GRIK1: variants seen among roughly 807,000 people sequenced by gnomAD.
GRIK1 encodes glutamate receptor ionotropic, kainate 1.
GRIK1 carries 69 observed loss-of-function variants against 105.7 expected under a neutral mutation model. The observed-to-expected ratio is 0.65, with a 90% CI of 0.54 to 0.80. The LOEUF (loss-of-function observed/expected upper bound fraction) is 0.80, where lower values mean the gene tolerates loss of function less well. Among genes scored for constraint, GRIK1 ranks in the 30% least tolerant of loss-of-function variants. GRIK1 has a pLI of 0.00. For missense variants in GRIK1, 1,109 were observed against 1,167.3 expected, an observed-to-expected ratio of 0.95 and a Z score of 0.73; for synonymous variants, 438 against 431.3, an observed-to-expected ratio of 1.02 and a Z score of -0.19.
At chr21:29,689,137 T>C (rs1177336308) in intron 3 of GRIK1, among the ~76,000 whole-genome samples, 1 of 149,230 alleles carries the variant, frequency 6.7e-6, no homozygotes, top group Admixed American at 6.7e-5. Context: ...AAAGTTCAAA[T>C]GGGGGCGGGT....
Position 29,562,579 on chromosome 21 carries a change from C to T in GRIK1, c.2131-730G>A, listed in dbSNP as rs188334230. The stretch of plus-strand genomic sequence containing the variant: ...CTGAGGCAGGAGAATCGCTTGAACC[C>T]GGGAGGTGGAGGTTGCAGTGAGCCA... On this transcript the variant is annotated intron_variant, in intron 14 of 17. Transcript: ENST00000327783. 1.8e-4 allele frequency among the ~76,000 whole-genome samples: 28 copies of T among 151,980 alleles called. No individual in the cohort carries two copies. In the East Asian group the frequency reaches 3.9e-3, roughly 21 times the overall value.
intron 4 of GRIK1, among the ~76,000 whole-genome samples, chr21:29,669,986 G>A (rs977935968): frequency 1.3e-5 from 2 of 152,122 alleles, no homozygotes; most frequent in African/African-American, 2.4e-5. Context: ...AAGTTCTGAT[G>A]TCTCCAATAT....
At chr21:29,581,910 T>C (rs2091031467) in intron 12 of GRIK1, among the ~76,000 whole-genome samples, 1 of 152,178 alleles carries the variant, frequency 6.6e-6, no homozygotes. Flanking sequence ...GCGACGAATG[T>C]GACACACACT....
chr21:29,556,393 T>C (rs9680388), intron 15 of GRIK1, among the ~76,000 whole-genome samples: 13,324 of 152,234 alleles, frequency 0.088, 1,134 homozygotes, highest in African/African-American at 0.22. Context: ...ACCTTGCAGA[T>C]TGTCACCCTT....
At chr21:29,566,493 T>C (rs1199989196) in intron 14 of GRIK1, among the ~76,000 whole-genome samples, 2 of 152,220 alleles carry the variant, frequency 1.3e-5, no homozygotes, top group Non-Finnish European at 2.9e-5. Context: ...TGGCAAAGAA[T>C]AGCATTTTTC....
chr21:29,872,225 G>T (rs1187063577), intron 1 of GRIK1, among the ~76,000 whole-genome samples: 2 of 128,208 alleles, frequency 1.6e-5, no homozygotes, highest in South Asian at 2.4e-4. Flanking sequence ...ACGGAGTCTC[G>T]CTCTGTCGCC....
At chr21:29,856,298 A>C (rs575654521) in intron 1 of GRIK1, among the ~76,000 whole-genome samples, 1 of 152,300 alleles carries the variant, frequency 6.6e-6, no homozygotes, top group East Asian at 1.9e-4. Flanking sequence ...ATTTAGGTGG[A>C]AAATTATCAG....
intron 1 of GRIK1, among the ~76,000 whole-genome samples, chr21:29,764,662 A>G (rs1411021185): frequency 6.6e-6 from 1 of 152,208 alleles, no homozygotes; most frequent in East Asian, 1.9e-4. Context: ...GCTGATGGCT[A>G]TATCTTCATA....
At chr21:29,770,846 T>C (rs776824650) in intron 1 of GRIK1, among the ~76,000 whole-genome samples, 13 of 152,204 alleles carry the variant, frequency 8.5e-5, no homozygotes, top group Non-Finnish European at 1.6e-4. Flanking sequence ...AGGTCCTCAG[T>C]AGTGGTTGAT....
chr21:29,727,636 C>A (rs76526058), intron 1 of GRIK1, among the ~76,000 whole-genome samples: 1,606 of 152,278 alleles, frequency 0.011, 30 homozygotes, highest in African/African-American at 0.037. Flanking sequence ...TCTATTCTCT[C>A]TTGTAAGAGG....
intron 16 of GRIK1, among the ~76,000 whole-genome samples, chr21:29,545,823 T>C (rs540326083): frequency 6.6e-6 from 1 of 152,254 alleles, no homozygotes; most frequent in African/African-American, 2.4e-5. Context: ...AATTATGTGA[T>C]ACTATTTAAA....
chr21:29,560,414 T>C (rs1488126751), intron 15 of GRIK1, among the ~76,000 whole-genome samples: 1 of 126,498 alleles, frequency 7.9e-6, no homozygotes, highest in Non-Finnish European at 1.6e-5. Context: ...TCTTTCTTTC[T>C]TTCTTTCTTT....
intron 7 of GRIK1, among the ~76,000 whole-genome samples, chr21:29,609,817 T>A (rs1163996163): frequency 6.6e-6 from 1 of 152,176 alleles, no homozygotes; most frequent in Non-Finnish European, 1.5e-5. Flanking sequence ...GACTTCTCTG[T>A]CACCATAATT....
intron 4 of GRIK1, among the ~76,000 whole-genome samples, chr21:29,672,028 C>T (rs1044076688): frequency 6.7e-6 from 1 of 149,844 alleles, no homozygotes; most frequent in Non-Finnish European, 1.5e-5. Context: ...AAGCACCAGT[C>T]TGCGCTTTGT....
chr21:29,852,148 T>G (rs534823682), intron 1 of GRIK1, among the ~76,000 whole-genome samples: 2 of 152,316 alleles, frequency 1.3e-5, no homozygotes, highest in East Asian at 3.9e-4. Context: ...TCTTTTGTTC[T>G]TGAAGGATTT....
rs148564487 is a variant in GRIK1, at chr21:29,743,653, C to A, written c.119-49590G>T. 3.6e-3 allele frequency among the ~76,000 whole-genome samples: 550 copies of A among 152,044 alleles called. 3 individuals carry two copies. Among genetic ancestry groups the A allele is most frequent in the African/African-American group, 0.013 (531 of 41,464 alleles). On this transcript the variant is annotated intron_variant, in intron 1 of 17. Coordinates refer to ENST00000327783, the MANE Select transcript of GRIK1 (RefSeq NM_001330994.2). ...AATGTTGCAGTGAGCTGAGATGGAG[C>A]CACTGCACTCTAGCGTGGGTGATAG...
intron 1 of GRIK1, among the ~76,000 whole-genome samples, chr21:29,805,598 A>G (rs1285301067): frequency 6.6e-6 from 1 of 152,114 alleles, no homozygotes; most frequent in Non-Finnish European, 1.5e-5. Context: ...GTACTTTATA[A>G]AGCTAAATTA....
At chr21:29,602,658 G>A (rs934566533) in intron 7 of GRIK1, among the ~76,000 whole-genome samples, 1 of 152,192 alleles carries the variant, frequency 6.6e-6, no homozygotes, top group Admixed American at 6.5e-5. Context: ...CATGTGCTGG[G>A]TAAAAACATG....
chr21:29,620,484 G>A (rs527919075), intron 7 of GRIK1, among the ~76,000 whole-genome samples: 7 of 152,120 alleles, frequency 4.6e-5, no homozygotes, highest in Non-Finnish European at 1.0e-4. Context: ...AAACTTCATT[G>A]AAATAGAGGA....
Sources: gnomAD v4.1 joint callset for allele counts (sites outside exome capture counted in the v4.1 genomes callset) on GRCh38, gnomAD v4.1.1 for gene constraint, MANE v1.5 for transcripts, NCBI Gene and HGNC (gene_info 2026-07-23, HGNC 2026-07-21) for gene names.